Variants in IPO11 observed in about 807,000 individuals in gnomAD.
The protein encoded by IPO11 is importin 11.
A neutral mutation model predicts 143.2 loss-of-function variants in IPO11; 66 were observed. The observed-to-expected ratio is 0.46, with a 90% CI of 0.38 to 0.57. The LOEUF (loss-of-function observed/expected upper bound fraction) is 0.57, where lower values mean the gene tolerates loss of function less well. IPO11 is among the 20% of genes least tolerant of loss of function. The pLI, the probability that IPO11 is intolerant of heterozygous loss-of-function variation, is 0.00. For synonymous variants in IPO11, 385 were observed against 377.8 expected (o/e 1.02, Z -0.22); for missense variants, 1,026 against 1,141.0 (o/e 0.90, Z 1.45).
intron 1 of IPO11, among the ~76,000 whole-genome samples, chr5:62,435,076 ATATATGTG>A (rs1426989627): frequency 9.2e-6 from 1 of 108,614 alleles, no homozygotes; most frequent in Non-Finnish European, 1.8e-5. Flanking sequence ...ATATATGTAT[ATATATGTG>A]TATATATGTA....
intron 15 of IPO11, among the ~76,000 whole-genome samples, chr5:62,491,522 T>C (rs1351160627): frequency 6.6e-6 from 1 of 152,208 alleles, no homozygotes; most frequent in Non-Finnish European, 1.5e-5. Flanking sequence ...TATTGAGCAC[T>C]TGAAATGTGC....
intron 29 of IPO11, among the ~76,000 whole-genome samples, chr5:62,613,735 C>T (rs1746017852): frequency 1.3e-5 from 2 of 152,144 alleles, no homozygotes; most frequent in Admixed American, 6.5e-5. Flanking sequence ...TAAGATAGAG[C>T]TTCCACCTGG....
intron 26 of IPO11, 68 bp downstream of exon 26, chr5:62,551,404 A>C (rs1561359615): frequency 1.2e-6 from 1 of 843,784 alleles, no homozygotes; most frequent in Non-Finnish European, 1.9e-6. Flanking sequence ...AGTTTGATGA[A>C]ATAATGAGTC....
intron 1 of IPO11, among the ~76,000 whole-genome samples, chr5:62,425,519 T>C (rs1406831531): frequency 1.7e-4 from 26 of 152,120 alleles, no homozygotes; most frequent in African/African-American, 6.0e-4. Context: ...GGTTTCACCA[T>C]GTTGTTCAGG....
intron 29 of IPO11, among the ~76,000 whole-genome samples, chr5:62,622,825 T>C (rs771749482): frequency 5.3e-5 from 8 of 152,244 alleles, no homozygotes; most frequent in Non-Finnish European, 1.2e-4. Flanking sequence ...ATACGGTTAT[T>C]TTTATCTCAT....
At chr5:62,473,624 G>C (rs185779399) in intron 7 of IPO11, among the ~76,000 whole-genome samples, 10 of 152,202 alleles carry the variant, frequency 6.6e-5, no homozygotes, top group African/African-American at 2.4e-4. Context: ...TCATCATCCA[G>C]TATTTCATGA....
intron 28 of IPO11, among the ~76,000 whole-genome samples, chr5:62,598,362 C>T (rs112349648): frequency 4.0e-5 from 6 of 150,358 alleles, no homozygotes; most frequent in Admixed American, 6.7e-5. Flanking sequence ...TTATGTGAAA[C>T]GACCCATAAA....
intron 3 of IPO11, among the ~76,000 whole-genome samples, chr5:62,449,270 C>A (rs1744823963): frequency 1.3e-5 from 2 of 152,230 alleles, no homozygotes; most frequent in South Asian, 4.1e-4. Context: ...CAGTAGTGTT[C>A]TCCTTTCCTG....
In IPO11 at chr5:62,474,484, T is replaced by C. The variant is rs1745887631; in HGVS notation, c.757+20T>C. The C allele has an allele frequency of 6.5e-7, 1 of 1,545,338 alleles. No homozygotes were observed. The highest frequency in any genetic ancestry group is 1.4e-5 in the African/African-American group (1 of 71,870). On this transcript the variant is annotated intron_variant, in intron 8 of 29. Transcript: ENST00000325324. ...AATGCAGTAAGTACTTTCGTTGCAG[T>C]CCTTTTTACTGTAGAATTTTTATTC...
chr5:62,427,156 TCTCGAG>T (rs1743783184), intron 1 of IPO11, among the ~76,000 whole-genome samples: 1 of 151,816 alleles, frequency 6.6e-6, no homozygotes, highest in Admixed American at 6.6e-5. Flanking sequence ...ACCAGGCTGG[TCTCGAG>T]CTCCTTACCT....
chr5:62,603,525 G>T (rs981103174), intron 29 of IPO11, among the ~76,000 whole-genome samples: 1 of 152,210 alleles, frequency 6.6e-6, no homozygotes, highest in East Asian at 1.9e-4. Flanking sequence ...GGTGGCTGGA[G>T]CCTGTCCTAG....
chr5:62,491,992 T>C (rs959362446), intron 15 of IPO11, among the ~76,000 whole-genome samples: 6 of 152,184 alleles, frequency 3.9e-5, no homozygotes, highest in Admixed American at 1.3e-4. Flanking sequence ...AAATAACATA[T>C]GTGGCCTGCA....
chr5:62,588,008 G>A (rs1384656468), intron 27 of IPO11, among the ~76,000 whole-genome samples: 1 of 152,140 alleles, frequency 6.6e-6, no homozygotes, highest in African/African-American at 2.4e-5. Context: ...CACTATGCAG[G>A]AGTCACTGAG....
At chr5:62,622,578 T>C (rs1746415331) in intron 29 of IPO11, among the ~76,000 whole-genome samples, 1 of 152,246 alleles carries the variant, frequency 6.6e-6, no homozygotes, top group Non-Finnish European at 1.5e-5. Context: ...GATGTTCTGT[T>C]GCTCAGATCT....
At chr5:62,524,589 G>A (rs1423833016) in intron 20 of IPO11, among the ~76,000 whole-genome samples, 12 of 151,970 alleles carry the variant, frequency 7.9e-5, no homozygotes, top group Admixed American at 6.6e-4. Context: ...TTAAATAATG[G>A]CATTTTCATA....
chr5:62,611,687 C>G (rs961059909), intron 29 of IPO11, among the ~76,000 whole-genome samples: 4 of 152,124 alleles, frequency 2.6e-5, no homozygotes, highest in Admixed American at 2.0e-4. Context: ...ACGTTGGCAA[C>G]ATGGTATTGG....
rs535340788 is a variant in IPO11 at position 62,597,247 on chromosome 5, T to G, written c.2679-4517T>G. ...TAAAACTTAGCTATATGCTTTCTAA[T>G]TACCAGGATAAAAAAAAGAAACATT... On this transcript the variant is annotated intron_variant, in intron 28 of 29. Transcript: ENST00000325324. Among the ~76,000 whole-genome samples, 3 of 152,272 alleles carry G rather than the reference T, an allele frequency of 2.0e-5. No homozygotes were observed. In the South Asian group the frequency reaches 6.2e-4, roughly 32 times the overall value.
At chr5:62,484,543 A>T in intron 11 of IPO11, among the ~76,000 whole-genome samples, 1 of 149,836 alleles carries the variant, frequency 6.7e-6, no homozygotes. Flanking sequence ...GAGGTTTTTG[A>T]TGAATAGTTT....
At chr5:62,519,250 G>T (rs543145253) in intron 20 of IPO11, among the ~76,000 whole-genome samples, 1 of 152,098 alleles carries the variant, frequency 6.6e-6, no homozygotes, top group South Asian at 2.1e-4. Context: ...TTTTTTTAAG[G>T]TTTATATATT....
Sources: gnomAD v4.1 joint callset for allele counts (sites outside exome capture counted in the v4.1 genomes callset) on GRCh38, gnomAD v4.1.1 for gene constraint, MANE v1.5 for transcripts, NCBI Gene and HGNC (gene_info 2026-07-23, HGNC 2026-07-21) for gene names.